CACNA2D3: variants seen among roughly 807,000 people sequenced by gnomAD.
The protein encoded by CACNA2D3 is calcium voltage-gated channel auxiliary subunit alpha2delta 3.
CACNA2D3 carries 60 observed loss-of-function variants against 160.6 expected under a neutral mutation model. The ratio of observed to expected loss-of-function variants is 0.37; its 90% CI spans 0.30 to 0.46. CACNA2D3 has a LOEUF of 0.46. CACNA2D3 is among the 20% of genes least tolerant of loss of function. The probability of loss-of-function intolerance (pLI) is 1.00; values close to 1 mark genes in which losing one functional copy is unlikely to be tolerated. For missense variants in CACNA2D3, 1,205 were observed against 1,365.0 expected, an observed-to-expected ratio of 0.88 and a Z score of 1.85; for synonymous variants, 558 against 492.9, an observed-to-expected ratio of 1.13 and a Z score of -1.75.
intron 4 of CACNA2D3, among the ~76,000 whole-genome samples, chr3:54,455,348 C>T (rs116739126): frequency 1.3e-5 from 2 of 152,182 alleles, no homozygotes; most frequent in Admixed American, 1.3e-4. Flanking sequence ...CGATGTTGAG[C>T]ATTTTTTAAC....
rs370349728 is a variant in CACNA2D3, at chr3:54,896,880, C to G, written c.2368+10C>G. The G allele has an allele frequency of 8.7e-6, 14 of 1,613,736 alleles. No homozygotes were observed. The highest frequency in any genetic ancestry group is 1.1e-5 in the Non-Finnish European group (13 of 1,179,846). ...ATCCCATTCAGCACTGGTGGGTGCC[C>G]TTGTTGGAGGCGGGCTCTGTCTGTC... On this transcript the variant is annotated intron_variant, in intron 26 of 37. Coordinates refer to ENST00000474759, the MANE Select transcript of CACNA2D3 (RefSeq NM_018398.3).
intron 4 of CACNA2D3, among the ~76,000 whole-genome samples, chr3:54,472,539 A>C (rs745850025): frequency 6.6e-6 from 1 of 152,234 alleles, no homozygotes; most frequent in Non-Finnish European, 1.5e-5. Flanking sequence ...TGGCTAGGGC[A>C]GTCAGGCAAG....
intron 2 of CACNA2D3, among the ~76,000 whole-genome samples, chr3:54,290,087 A>T (rs1357893837): frequency 4.0e-5 from 6 of 151,864 alleles, no homozygotes; most frequent in Non-Finnish European, 7.4e-5. Context: ...GAGCTTCTGC[A>T]CAGCAAAAGA....
At chr3:54,347,084 AG>A (rs1221815970) in intron 3 of CACNA2D3, among the ~76,000 whole-genome samples, 9 of 152,226 alleles carry the variant, frequency 5.9e-5, no homozygotes, top group South Asian at 2.1e-4. Flanking sequence ...TGTTCATGGC[AG>A]GGGACACATT....
chr3:54,168,965 T>A (rs1305473133), intron 2 of CACNA2D3, among the ~76,000 whole-genome samples: 2 of 152,210 alleles, frequency 1.3e-5, no homozygotes, highest in Non-Finnish European at 2.9e-5. Flanking sequence ...ATTTTATCTT[T>A]CTTGGTTTTA....
intron 11 of CACNA2D3, among the ~76,000 whole-genome samples, chr3:54,648,287 T>C (rs768371742): frequency 6.6e-6 from 1 of 152,226 alleles, no homozygotes; most frequent in Non-Finnish European, 1.5e-5. Context: ...TTATATAGAA[T>C]TCAAATTTCA....
intron 17 of CACNA2D3, among the ~76,000 whole-genome samples, chr3:54,859,972 G>GCGCACACACACACA (rs535185040): frequency 6.0e-5 from 8 of 133,788 alleles, no homozygotes; most frequent in East Asian, 4.4e-4. Flanking sequence ...GAAAGTAGAT[G>GCGCACACACACACA]CACACACACA....
chr3:54,659,058 A>G (rs569871052), intron 11 of CACNA2D3, among the ~76,000 whole-genome samples: 1 of 151,996 alleles, frequency 6.6e-6, no homozygotes, highest in African/African-American at 2.4e-5. Context: ...TACTTTTTCA[A>G]TGAGCTCTAT....
At chr3:54,175,594 A>G (rs1272161511) in intron 2 of CACNA2D3, among the ~76,000 whole-genome samples, 1 of 143,534 alleles carries the variant, frequency 7.0e-6, no homozygotes, top group Non-Finnish European at 1.5e-5. Flanking sequence ...GCCTGGGGTG[A>G]CAAAGCGAGA....
chr3:54,527,759 G>C lies in CACNA2D3; in HGVS notation c.544+24105G>C, dbSNP rs80042375. ...TCCAACTGTGAACTTTGGGGAGAGA[G>C]AACCCTGTGTTCTTGGCCATATAAG... is the stretch of plus-strand genomic sequence containing the variant. On this transcript the variant is annotated intron_variant, in intron 5 of 37. Transcript: ENST00000474759. 4.0e-3 allele frequency among the ~76,000 whole-genome samples: 606 copies of C among 152,266 alleles called. 5 individuals carry two copies. Among genetic ancestry groups the C allele is most frequent in the African/African-American group, 0.014 (576 of 41,548 alleles).
intron 27 of CACNA2D3, chr3:54,927,904 C>A (rs778212553): frequency 8.7e-6 from 14 of 1,613,608 alleles, no homozygotes; most frequent in Non-Finnish European, 1.1e-5. Context: ...TCAGGGCTCA[C>A]CTTTCATGAC....
chr3:54,912,329 G>A (rs553165207), intron 27 of CACNA2D3, among the ~76,000 whole-genome samples: 3 of 152,262 alleles, frequency 2.0e-5, no homozygotes, highest in South Asian at 4.2e-4. Flanking sequence ...CAAGGAGAGA[G>A]CATGAGTTCC....
chr3:54,989,708 A>G (rs1450379784), intron 31 of CACNA2D3, among the ~76,000 whole-genome samples: 1 of 152,200 alleles, frequency 6.6e-6, no homozygotes, highest in Non-Finnish European at 1.5e-5. Context: ...TTAGCACAGA[A>G]CTTGGCATGT....
chr3:54,612,473 G>A (rs564710069), intron 9 of CACNA2D3, among the ~76,000 whole-genome samples: 1 of 152,260 alleles, frequency 6.6e-6, no homozygotes, highest in African/African-American at 2.4e-5. Context: ...GCCCGTGGAA[G>A]GCCTGAACCC....
intron 17 of CACNA2D3, among the ~76,000 whole-genome samples, chr3:54,853,864 A>T (rs565458704): frequency 6.6e-6 from 1 of 151,796 alleles, no homozygotes; most frequent in African/African-American, 2.4e-5. Flanking sequence ...GCCACAGCCT[A>T]TGGGGGTGGG....
At chr3:54,275,862 C>A (rs1702728019) in intron 2 of CACNA2D3, among the ~76,000 whole-genome samples, 1 of 148,316 alleles carries the variant, frequency 6.7e-6, no homozygotes, top group Non-Finnish European at 1.5e-5. Flanking sequence ...AGGTGATCTG[C>A]CGTGATCTGC....
At chr3:54,883,823 C>CTCTCTCTCTCTCTCTCTCT (rs60132112) in intron 21 of CACNA2D3, among the ~76,000 whole-genome samples, 112 of 88,886 alleles carry the variant, frequency 1.3e-3, no homozygotes, top group East Asian at 7.0e-3. Flanking sequence ...CTCTCTCTCT[C>CTCTCTCTCTCTCTCTCTCT]CTCTCTCTCC....
intron 9 of CACNA2D3, among the ~76,000 whole-genome samples, chr3:54,594,305 A>T (rs1370617051): frequency 6.6e-6 from 1 of 152,230 alleles, no homozygotes; most frequent in Non-Finnish European, 1.5e-5. Flanking sequence ...ATGAGTGGGC[A>T]TGGTTATGTT....
At chr3:54,444,807 A>G (rs1344229443) in intron 4 of CACNA2D3, among the ~76,000 whole-genome samples, 4 of 152,256 alleles carry the variant, frequency 2.6e-5, no homozygotes, top group Non-Finnish European at 4.4e-5. Context: ...AACTTGGCTC[A>G]TCACTCAGTA....
Sources: gnomAD v4.1 joint callset for allele counts (sites outside exome capture counted in the v4.1 genomes callset) on GRCh38, gnomAD v4.1.1 for gene constraint, MANE v1.5 for transcripts, NCBI Gene and HGNC (gene_info 2026-07-23, HGNC 2026-07-21) for gene names.